The following DKK2 variants were observed in gnomAD, a reference collection of about 807,000 sequenced individuals.
DKK2 encodes the protein dickkopf Wnt signaling pathway inhibitor 2, also known as dickkopf-related protein 2.
DKK2 carries 11 observed loss-of-function variants against 28.1 expected under a neutral mutation model. The ratio of observed to expected loss-of-function variants is 0.39; its 90% CI spans 0.25 to 0.65. DKK2 has a LOEUF of 0.65. Among genes scored for constraint, DKK2 ranks in the 30% least tolerant of loss-of-function variants. DKK2 has a pLI of 0.47. For missense variants in DKK2, 326 were observed against 335.5 expected (o/e 0.97, Z 0.22); for synonymous variants, 135 against 126.5 (o/e 1.07, Z -0.45).
chr4:106,973,545 G>T (rs1244870698), intron 1 of DKK2, among the ~76,000 whole-genome samples: 2 of 152,162 alleles, frequency 1.3e-5, no homozygotes, highest in Admixed American at 1.3e-4. Flanking sequence ...TTTGAGAAGT[G>T]TCTCTTCATA....
chr4:107,029,301 T>A (rs879506907), intron 1 of DKK2, among the ~76,000 whole-genome samples: 10 of 152,180 alleles, frequency 6.6e-5, no homozygotes, highest in Admixed American at 5.9e-4. Flanking sequence ...TAATATTAGA[T>A]TGCTTAGGTT....
At chr4:107,022,738 A>G (rs575094117) in intron 1 of DKK2, among the ~76,000 whole-genome samples, 1 of 152,290 alleles carries the variant, frequency 6.6e-6, no homozygotes, top group Admixed American at 6.5e-5. Context: ...ATTGAGAAAT[A>G]ACAATGGACT....
rs1553922185 is a variant in DKK2 at position 106,964,960 on chromosome 4, T to TAGATATAG, written c.223-39012_223-39011insCTATATCT. Among the ~76,000 whole-genome samples, 942 of 146,414 alleles carry TAGATATAG rather than the reference T, an allele frequency of 6.4e-3. 13 individuals are homozygous for TAGATATAG. The highest frequency in any genetic ancestry group is 9.6e-3 in the South Asian group (43 of 4,492). ...GATAGATTAGATATAGATAGATAGA[T>TAGATATAG]ATAGATAGATAGATAGATAGATAGA... On this transcript the variant is annotated intron_variant, in intron 1 of 3. Transcript: ENST00000285311.
At chr4:106,928,517 T>A (rs931588085) in intron 1 of DKK2, among the ~76,000 whole-genome samples, 1 of 152,196 alleles carries the variant, frequency 6.6e-6, no homozygotes, top group Non-Finnish European at 1.5e-5. Context: ...GCTTCTAATA[T>A]GCTTATGTAA....
At position 106,922,548 on chromosome 4, in the gene DKK2, T is replaced by G. The variant is rs1384509057; in HGVS notation, c.*1406A>C. On this transcript the variant is annotated 3_prime_UTR_variant, in exon 4 of 4. Transcript: ENST00000285311. ...ACTAGCCCTTTGGCAATAAAGCAGA[T>G]GCTGCAGAGGTTTGGGAAGAAAATT... The G allele has an allele frequency of 6.6e-6, 1 of 152,172 alleles. No homozygotes were observed. Among genetic ancestry groups the G allele is most frequent in the African/African-American group, 2.4e-5 (1 of 41,454 alleles). 9.4% of individuals were successfully genotyped at this position (152,172 alleles called of 1,614,324 possible).
At chr4:106,996,581 A>G (rs914268044) in intron 1 of DKK2, among the ~76,000 whole-genome samples, 11 of 152,316 alleles carry the variant, frequency 7.2e-5, no homozygotes, top group African/African-American at 2.6e-4. Context: ...AACCTCACAC[A>G]CAAAATTACA....
chr4:106,935,791 C>G (rs891289085), intron 1 of DKK2, among the ~76,000 whole-genome samples: 2 of 152,216 alleles, frequency 1.3e-5, no homozygotes, highest in African/African-American at 4.8e-5. Flanking sequence ...ACTGCCTCCT[C>G]AAGTGGGTCT....
At position 106,923,896 on chromosome 4, in the gene DKK2, A is replaced by G; in HGVS notation, c.*58T>C. Reference sequence around the variant, plus strand: ...TCTGAACCTTATTTTCCACCATGCTATAATGCATTAAATACACAACTTCAC... The same window carrying G: ...TCTGAACCTTATTTTCCACCATGCTGTAATGCATTAAATACACAACTTCAC... On this transcript the variant is annotated 3_prime_UTR_variant, in exon 4 of 4. Coordinates refer to ENST00000285311, the MANE Select transcript of DKK2 (RefSeq NM_014421.3). The G allele has an allele frequency of 6.3e-7, 1 of 1,589,948 alleles. No homozygotes were observed. Among genetic ancestry groups the G allele is most frequent in the Non-Finnish European group, 8.6e-7 (1 of 1,161,668 alleles).
intron 1 of DKK2, among the ~76,000 whole-genome samples, chr4:107,002,737 T>C (rs1241179489): frequency 1.3e-5 from 2 of 152,222 alleles, no homozygotes; most frequent in African/African-American, 4.8e-5. Flanking sequence ...TACTCCTTGT[T>C]GAAATAGTTA....
At chr4:106,967,242 A>C (rs756674184) in intron 1 of DKK2, among the ~76,000 whole-genome samples, 1 of 152,144 alleles carries the variant, frequency 6.6e-6, no homozygotes, top group African/African-American at 2.4e-5. Context: ...AGCAATTAAT[A>C]AAATAAAGCC....
rs1724365993 is a variant in DKK2 at position 106,922,778 on chromosome 4, C to A, written c.*1176G>T. ...CATAGTAAATATTATGATAGCAAAT[C>A]CCATGCAGATATTCATTTAGACTGT... On this transcript the variant is annotated 3_prime_UTR_variant, in exon 4 of 4. Coordinates refer to ENST00000285311, the MANE Select transcript of DKK2 (RefSeq NM_014421.3). The A allele has an allele frequency of 1.3e-5, 2 of 152,142 alleles. No individual in the cohort carries two copies. The highest frequency in any genetic ancestry group is 4.8e-5 in the African/African-American group (2 of 41,444). 9.4% of individuals were successfully genotyped at this position (152,142 alleles called of 1,614,324 possible). A position where few individuals can be genotyped will look rare whatever the true frequency, so the allele number is the denominator to read the frequency against.
At chr4:106,924,847 A>G in intron 2 of DKK2, 147 bp from the exon 3 acceptor site, 1 of 817,490 alleles carries the variant, frequency 1.2e-6, no homozygotes, top group Admixed American at 3.4e-5. Context: ...TTACTTATTT[A>G]TTGAGACTGA....
chr4:107,035,428 G>T lies in DKK2; in HGVS notation c.164C>A (p.Ala55Glu). ...ETPGQAANRS[A>E]GMYQGLAFGG... Reference sequence around the variant, plus strand: ...GAATGCCAGTCCTTGGTACATGCCCGCAGATCGATTGGCGGCCTGACCAGG... The same window carrying T: ...GAATGCCAGTCCTTGGTACATGCCCTCAGATCGATTGGCGGCCTGACCAGG... Residue 55 changes from alanine (A) to glutamate (E), a missense_variant, in exon 1 of 4, where the codon GCG (alanine) becomes GAG (glutamate). By Grantham distance (107) the Ala-to-Glu change is moderately radical (BLOSUM62 -1). Coordinates refer to ENST00000285311, the MANE Select transcript of DKK2 (RefSeq NM_014421.3). 1 of 1,614,200 alleles carries T rather than the reference G, an allele frequency of 6.2e-7. No individual in the cohort carries two copies. Among genetic ancestry groups the T allele is most frequent in the South Asian group, 1.1e-5 (1 of 91,082 alleles).
At chr4:107,006,979 C>G (rs529958261) in intron 1 of DKK2, among the ~76,000 whole-genome samples, 3 of 150,848 alleles carry the variant, frequency 2.0e-5, no homozygotes, top group Middle Eastern at 3.4e-3. Flanking sequence ...ACTCAGAACA[C>G]TTTTCAAAAG....
At chr4:107,031,303 A>C (rs1454208231) in intron 1 of DKK2, among the ~76,000 whole-genome samples, 1 of 152,140 alleles carries the variant, frequency 6.6e-6, no homozygotes, top group East Asian at 1.9e-4. Flanking sequence ...TAGAAAAAAA[A>C]GTCATGGATA....
chr4:106,980,997 T>C (rs1350894841), intron 1 of DKK2, among the ~76,000 whole-genome samples: 2 of 152,152 alleles, frequency 1.3e-5, no homozygotes, highest in African/African-American at 2.4e-5. Context: ...AGAAGGCAAG[T>C]GTCATGAGCA....
At chr4:107,017,244 TA>T (rs1723622758) in intron 1 of DKK2, among the ~76,000 whole-genome samples, 1 of 152,000 alleles carries the variant, frequency 6.6e-6, no homozygotes, top group Non-Finnish European at 1.5e-5. Flanking sequence ...ATCTCTTCAA[TA>T]TATGGTTCAT....
chr4:106,973,633 A>C (rs998967663), intron 1 of DKK2, among the ~76,000 whole-genome samples: 1 of 152,118 alleles, frequency 6.6e-6, no homozygotes, highest in Non-Finnish European at 1.5e-5. Flanking sequence ...TCTGGAGATT[A>C]GCCCTTTGTC....
intron 1 of DKK2, among the ~76,000 whole-genome samples, chr4:106,982,647 C>T (rs937201530): frequency 6.6e-6 from 1 of 152,046 alleles, no homozygotes; most frequent in Non-Finnish European, 1.5e-5. Flanking sequence ...AGCATCAAAT[C>T]TCATAGCACA....
Sources: allele counts gnomAD v4.1 joint callset (sites outside exome capture counted in the v4.1 genomes callset), GRCh38; gene constraint gnomAD v4.1.1; transcripts MANE v1.5; gene names NCBI Gene and HGNC (gene_info 2026-07-23, HGNC 2026-07-21).